AGBL1: variants seen among roughly 807,000 people sequenced by gnomAD.
The protein encoded by AGBL1 is cytosolic carboxypeptidase 4.
A neutral mutation model predicts 118.9 loss-of-function variants in AGBL1; 130 were observed. The ratio of observed to expected loss-of-function variants is 1.09; its 90% confidence interval spans 0.95 to 1.26. The LOEUF is 1.26. Ranked by LOEUF, AGBL1 falls within the 50% of genes most tolerant of loss-of-function variation. The pLI is 0.00. For synonymous variants in AGBL1, 555 were observed against 478.9 expected (o/e 1.16, Z -2.08); for missense variants, 1,584 against 1,298.1 (o/e 1.22, Z -3.38).
chr15:86,132,976 A>G (rs1481082784), intron 1 of AGBL1, among the ~76,000 whole-genome samples: 3 of 152,160 alleles, frequency 2.0e-5, no homozygotes, highest in Non-Finnish European at 4.4e-5. Flanking sequence ...TTATTTATCA[A>G]CATTTTATTG....
chr15:86,951,742 C>T (rs1176730958), intron 23 of AGBL1, among the ~76,000 whole-genome samples: 1 of 152,132 alleles, frequency 6.6e-6, no homozygotes, highest in East Asian at 1.9e-4. Context: ...GAGCTCCACA[C>T]TCATGATTTG....
intron 18 of AGBL1, among the ~76,000 whole-genome samples, chr15:86,496,096 T>G (rs1213476146): frequency 6.6e-6 from 1 of 151,988 alleles, no homozygotes; most frequent in Non-Finnish European, 1.5e-5. Flanking sequence ...AATCCCGGCA[T>G]GTTGAGGGAC....
At chr15:86,506,470 G>T (rs1173836969) in intron 18 of AGBL1, among the ~76,000 whole-genome samples, 1 of 151,942 alleles carries the variant, frequency 6.6e-6, no homozygotes, top group Non-Finnish European at 1.5e-5. Context: ...GTTTCCATTC[G>T]GGAAGATTTG....
At chr15:86,987,340 A>G (rs2081295495) in intron 23 of AGBL1, among the ~76,000 whole-genome samples, 1 of 152,078 alleles carries the variant, frequency 6.6e-6, no homozygotes, top group Non-Finnish European at 1.5e-5. Flanking sequence ...TGATTTTTGT[A>G]CATTGTTTTG....
intron 17 of AGBL1, among the ~76,000 whole-genome samples, chr15:86,323,236 A>G (rs2080133229): frequency 1.3e-5 from 2 of 151,798 alleles, no homozygotes; most frequent in South Asian, 2.1e-4. Flanking sequence ...CTCATCCACC[A>G]TGTTGCTAGA....
chr15:86,695,050 G>T (rs1462503306), intron 22 of AGBL1, among the ~76,000 whole-genome samples: 1 of 151,962 alleles, frequency 6.6e-6, no homozygotes, highest in Non-Finnish European at 1.5e-5. Flanking sequence ...TTGGTCTGTA[G>T]TTTTCTTTTT....
chr15:86,966,015 A>C lies in AGBL1; in HGVS notation c.3222-21972A>C, dbSNP rs768648921. Among the ~76,000 whole-genome samples, 7 of 152,038 alleles carry C rather than the reference A, an allele frequency of 4.6e-5. No individual in the cohort carries two copies. In the South Asian group the frequency reaches 8.3e-4, roughly 18 times the overall value. ...CTTAAAGCATCATCATCATCATAAT[A>C]ATAATAAAGGAAATAATAGACAGTT... On this transcript the variant is annotated intron_variant, in intron 23 of 24. Transcript: ENST00000441037.
At chr15:86,952,225 T>C (rs2080887161) in intron 23 of AGBL1, among the ~76,000 whole-genome samples, 1 of 149,950 alleles carries the variant, frequency 6.7e-6, no homozygotes, top group Non-Finnish European at 1.5e-5. Context: ...CAAAACTCTG[T>C]CTCAAAAAAA....
intron 18 of AGBL1, among the ~76,000 whole-genome samples, chr15:86,422,603 G>A (rs2081806889): frequency 6.6e-6 from 1 of 152,068 alleles, no homozygotes. Flanking sequence ...GAGCAGAACG[G>A]AAGGAGATAG....
At chr15:86,849,395 C>A (rs1236243247) in intron 22 of AGBL1, among the ~76,000 whole-genome samples, 1 of 152,104 alleles carries the variant, frequency 6.6e-6, no homozygotes, top group Non-Finnish European at 1.5e-5. Flanking sequence ...AAGACCTGCA[C>A]ACAAATCAGC....
At chr15:86,236,343 C>CTT (rs10531800) in intron 6 of AGBL1, among the ~76,000 whole-genome samples, 1 of 143,650 alleles carries the variant, frequency 7.0e-6, no homozygotes, top group East Asian at 2.0e-4. Context: ...GAAACTACTA[C>CTT]TTTTTTTTTT....
At chr15:86,883,217 A>C (rs1483292653) in intron 22 of AGBL1, among the ~76,000 whole-genome samples, 1 of 152,242 alleles carries the variant, frequency 6.6e-6, no homozygotes, top group Non-Finnish European at 1.5e-5. Context: ...AATGCTAATA[A>C]AATGGAGTGT....
chr15:86,244,040 T>C (rs1195162138), intron 6 of AGBL1, among the ~76,000 whole-genome samples: 1 of 117,528 alleles, frequency 8.5e-6, no homozygotes, highest in African/African-American at 3.2e-5. Context: ...GATAAGTAGA[T>C]AGATAGATAG....
chr15:86,748,698 G>A (rs1036761555), intron 22 of AGBL1, among the ~76,000 whole-genome samples: 9 of 151,642 alleles, frequency 5.9e-5, no homozygotes, highest in Non-Finnish European at 1.0e-4. Context: ...TAAGGTGTAA[G>A]GAAGTATCCA....
At chr15:87,010,163 C>A (rs1457792441) in intron 24 of AGBL1, among the ~76,000 whole-genome samples, 2 of 152,158 alleles carry the variant, frequency 1.3e-5, no homozygotes, top group South Asian at 2.1e-4. Flanking sequence ...GTGAGAGGAA[C>A]CCAGTGGGAG....
At chr15:86,333,264 A>C (rs2080304625) in intron 17 of AGBL1, among the ~76,000 whole-genome samples, 1 of 152,194 alleles carries the variant, frequency 6.6e-6, no homozygotes, top group Admixed American at 6.5e-5. Context: ...TTTTGAAAGC[A>C]TAAGCAAGAT....
At chr15:86,977,065 C>G (rs1343158394) in intron 23 of AGBL1, among the ~76,000 whole-genome samples, 1 of 151,858 alleles carries the variant, frequency 6.6e-6, no homozygotes, top group East Asian at 1.9e-4. Flanking sequence ...TTATTGTTCT[C>G]TTCAGGTATT....
intron 23 of AGBL1, among the ~76,000 whole-genome samples, chr15:86,967,250 C>T (rs1243868888): frequency 1.3e-5 from 2 of 152,074 alleles, no homozygotes; most frequent in African/African-American, 2.4e-5. Context: ...GAGTAGGTTG[C>T]AAAAATTTCC....
chr15:86,889,549 C>A (rs1164068212), intron 22 of AGBL1, among the ~76,000 whole-genome samples: 1 of 152,148 alleles, frequency 6.6e-6, no homozygotes, highest in Non-Finnish European at 1.5e-5. Context: ...CTTCCCCCAC[C>A]TGGCCCCCAA....
Sources: gnomAD v4.1 joint callset for allele counts (sites outside exome capture counted in the v4.1 genomes callset) on GRCh38, gnomAD v4.1.1 for gene constraint, MANE v1.5 for transcripts, NCBI Gene and HGNC (gene_info 2026-07-23, HGNC 2026-07-21) for gene names.